Variants in TRAPPC9 observed in about 807,000 individuals in gnomAD.
TRAPPC9 encodes IKK2 binding protein.
TRAPPC9 carries 83 observed loss-of-function variants against 124.0 expected under a neutral mutation model. The ratio of observed to expected loss-of-function variants is 0.67; its 90% CI spans 0.56 to 0.80. TRAPPC9 has a LOEUF of 0.80. TRAPPC9 is among the 30% of genes least tolerant of loss of function. TRAPPC9 has a pLI of 0.00. For synonymous variants in TRAPPC9, 638 were observed against 617.5 expected, an observed-to-expected ratio of 1.03 and a Z score of -0.49; for missense variants, 1,302 against 1,508.3, an observed-to-expected ratio of 0.86 and a Z score of 2.27.
chr8:140,452,036 A>G (rs10106234), intron 1 of TRAPPC9, among the ~76,000 whole-genome samples: 83,880 of 150,456 alleles, frequency 0.56, 23,474 homozygotes, highest in Non-Finnish European at 0.57. Context: ...CAGGAAAATC[A>G]CTGGAACCCG....
At chr8:139,814,103 C>T (rs745774971) in intron 21 of TRAPPC9, among the ~76,000 whole-genome samples, 7 of 152,248 alleles carry the variant, frequency 4.6e-5, no homozygotes, top group South Asian at 2.1e-4. Flanking sequence ...GCTCGAAGCC[C>T]GGCAAGAAGA....
intron 17 of TRAPPC9, among the ~76,000 whole-genome samples, chr8:140,178,957 C>G (rs1014590678): frequency 2.6e-5 from 4 of 152,092 alleles, no homozygotes; most frequent in African/African-American, 9.7e-5. Flanking sequence ...ACTGATGTCT[C>G]CTTTTTCATT....
intron 17 of TRAPPC9, among the ~76,000 whole-genome samples, chr8:140,164,294 C>T (rs2061797079): frequency 6.6e-6 from 1 of 152,252 alleles, no homozygotes; most frequent in South Asian, 2.1e-4. Flanking sequence ...CCCATAAACT[C>T]TATAGAAACT....
chr8:140,063,346 A>G lies in TRAPPC9; in HGVS notation c.2557-39267T>C, dbSNP rs572772065. ...GTGCTCTCACCTCACGTCACCACGCAGTCAATTCTCACGTACCTTTCACGA... is the reference window on the plus strand; with the variant it reads ...GTGCTCTCACCTCACGTCACCACGCGGTCAATTCTCACGTACCTTTCACGA... On this transcript the variant is annotated intron_variant, in intron 17 of 22. Transcript: ENST00000438773. This position sits in a 1 kb window ranked among gnomAD's most constrained non-coding sequence, Gnocchi z 4.3. Among the ~76,000 whole-genome samples, 12 of 152,340 alleles carry G rather than the reference A, an allele frequency of 7.9e-5. No homozygotes were observed. Among genetic ancestry groups the G allele is most frequent in the African/African-American group, 2.6e-4 (11 of 41,584 alleles).
chr8:140,076,944 T>C (rs1238019813), intron 17 of TRAPPC9, among the ~76,000 whole-genome samples: 1 of 152,190 alleles, frequency 6.6e-6, no homozygotes, highest in African/African-American at 2.4e-5. Context: ...GGCAGAAGGA[T>C]GGCTTAAGCA....
At chr8:139,854,291 G>A (rs549024340) in intron 21 of TRAPPC9, among the ~76,000 whole-genome samples, 8 of 152,286 alleles carry the variant, frequency 5.3e-5, no homozygotes, top group South Asian at 2.1e-4. Flanking sequence ...AGTCAGAATC[G>A]ATAGGGGTGG....
chr8:140,057,152 A>C (rs1842334470), intron 17 of TRAPPC9, among the ~76,000 whole-genome samples: 1 of 152,220 alleles, frequency 6.6e-6, no homozygotes, highest in Non-Finnish European at 1.5e-5. Flanking sequence ...ATTACCTCAC[A>C]CCTGTTAGGA....
intron 5 of TRAPPC9, among the ~76,000 whole-genome samples, chr8:140,413,134 A>G (rs1330041921): frequency 6.6e-6 from 1 of 152,194 alleles, no homozygotes; most frequent in East Asian, 1.9e-4. Flanking sequence ...CACGTCTGTA[A>G]TCCCAGCACT....
chr8:140,037,181 GA>G (rs1344550183), intron 17 of TRAPPC9, among the ~76,000 whole-genome samples: 1 of 152,060 alleles, frequency 6.6e-6, no homozygotes, highest in Admixed American at 6.5e-5. Flanking sequence ...CCCGGGCTCA[GA>G]CCCCATCGTC....
In TRAPPC9 at chr8:139,948,773, G is replaced by A. The variant is rs548199310; in HGVS notation, c.2811-38473C>T. ...AGCCTGTCAACCAAGCCTGCTCACCGAAATATTAAAAAGACAATAACAGGC... is the reference window on the plus strand; with the variant it reads ...AGCCTGTCAACCAAGCCTGCTCACCAAAATATTAAAAAGACAATAACAGGC... On this transcript the variant is annotated intron_variant, in intron 19 of 22. Transcript: ENST00000438773. Among the ~76,000 whole-genome samples, 7 of 152,242 alleles carry A rather than the reference G, an allele frequency of 4.6e-5. 1 individual carries two copies. The East Asian group carries it at 5.8e-4, about 13-fold the overall frequency.
chr8:140,381,884 GAA>G (rs1259890121), intron 7 of TRAPPC9, among the ~76,000 whole-genome samples: 1 of 152,136 alleles, frequency 6.6e-6, no homozygotes, highest in Non-Finnish European at 1.5e-5. Context: ...AGCTGCTTTG[GAA>G]AAGTTTCACA....
chr8:139,949,497 G>T (rs2131497071), intron 19 of TRAPPC9, among the ~76,000 whole-genome samples: 1 of 152,312 alleles, frequency 6.6e-6, no homozygotes, highest in Middle Eastern at 3.4e-3. Context: ...CAACGTAAGG[G>T]TCCATCAATC....
intron 7 of TRAPPC9, among the ~76,000 whole-genome samples, chr8:140,394,668 T>C (rs926692271): frequency 7.3e-6 from 1 of 137,400 alleles, no homozygotes; most frequent in African/African-American, 2.4e-5. Flanking sequence ...GACCTCAGCC[T>C]GCGTTGGGGC....
At chr8:140,180,524 T>C (rs117240419) in intron 17 of TRAPPC9, among the ~76,000 whole-genome samples, 7,066 of 152,232 alleles carry the variant, frequency 0.046, 225 homozygotes, top group South Asian at 0.092. Flanking sequence ...TTCTAATACA[T>C]TTCAAGATCT....
intron 17 of TRAPPC9, among the ~76,000 whole-genome samples, chr8:140,031,677 C>T (rs529866360): frequency 3.4e-4 from 52 of 152,374 alleles, no homozygotes; most frequent in Non-Finnish European, 6.3e-4. Flanking sequence ...CATACCATTA[C>T]TTTCCAGTTA....
intron 21 of TRAPPC9, among the ~76,000 whole-genome samples, chr8:139,751,054 C>A (rs1054323572): frequency 1.3e-5 from 2 of 152,180 alleles, no homozygotes; most frequent in Non-Finnish European, 2.9e-5. Flanking sequence ...GGCAAGCCAG[C>A]AGGGCTATGG....
chr8:140,265,630 A>G (rs1056277059), intron 15 of TRAPPC9, among the ~76,000 whole-genome samples: 5 of 152,244 alleles, frequency 3.3e-5, no homozygotes, highest in Non-Finnish European at 7.3e-5. Context: ...CAAGAGAGCC[A>G]TCGATTAACA....
At chr8:139,967,945 T>C (rs945687259) in intron 19 of TRAPPC9, among the ~76,000 whole-genome samples, 15 of 151,818 alleles carry the variant, frequency 9.9e-5, no homozygotes, top group Admixed American at 8.5e-4. Flanking sequence ...TCCAGACCAG[T>C]CTGGCGAACA....
intron 17 of TRAPPC9, among the ~76,000 whole-genome samples, chr8:140,173,268 T>C (rs957660094): frequency 4.6e-5 from 7 of 152,122 alleles, no homozygotes; most frequent in African/African-American, 1.7e-4. Flanking sequence ...AAAGACATCT[T>C]CTGTGGCCGG....
Sources: allele counts gnomAD v4.1 joint callset (sites outside exome capture counted in the v4.1 genomes callset), GRCh38; gene constraint gnomAD v4.1.1; non-coding constraint Gnocchi (gnomAD v3.1); transcripts MANE v1.5; gene names NCBI Gene and HGNC (gene_info 2026-07-23, HGNC 2026-07-21).